Variants in WDR12 observed in about 807,000 individuals in gnomAD.
The protein encoded by WDR12 is ribosome biogenesis protein WDR12.
WDR12 carries 42 observed loss-of-function variants against 64.3 expected under a neutral mutation model. That is an observed-to-expected ratio of 0.65 (90% CI 0.51 to 0.84). WDR12 has a LOEUF of 0.84. Among genes scored for constraint, WDR12 ranks in the 40% least tolerant of loss-of-function variants. The probability of loss-of-function intolerance (pLI) is 0.00; values close to 1 mark genes in which losing one functional copy is unlikely to be tolerated. For missense variants in WDR12, 469 were observed against 494.6 expected, an observed-to-expected ratio of 0.95 and a Z score of 0.49; for synonymous variants, 158 against 173.3, an observed-to-expected ratio of 0.91 and a Z score of 0.70.
rs1559165216 is a variant in WDR12 at position 202,908,325 on chromosome 2, T to C, written c.42-366A>G. ...AAGTGATTAGCCAGGCGTGGTGGCA[T>C]GTGCCCGTAGTCCCAGCTACTTGGG... On this transcript the variant is annotated intron_variant, in intron 1 of 12. Transcript: ENST00000261015. Among the ~76,000 whole-genome samples, 3 of 152,160 alleles carry C rather than the reference T, an allele frequency of 2.0e-5. No homozygotes were observed. In the East Asian group the frequency reaches 5.8e-4, roughly 29 times the overall value.
intron 4 of WDR12, 68 bp from the exon 5 acceptor site, chr2:202,897,483 C>CAATG: frequency 1.2e-6 from 1 of 835,332 alleles, no homozygotes; most frequent in Admixed American, 2.8e-5. Flanking sequence ...GTTTCTTTGG[C>CAATG]AATGACAAAG....
At chr2:202,894,450 G>A in intron 7 of WDR12, 131 bp downstream of exon 7, 1 of 669,820 alleles carries the variant, frequency 1.5e-6, no homozygotes. Context: ...TTGAACTCGT[G>A]GCCTCAAGTG....
chr2:202,876,230 AT>A lies in WDR12; in HGVS notation c.*4629del, dbSNP rs1559156347. Reference sequence around the variant, plus strand: ...ATAGCAAGACGCCATCTCCACAAAAATAAAAAAAATAGCTGGGTGTGGCAGC... The same window carrying A: ...ATAGCAAGACGCCATCTCCACAAAAAAAAAAAAATAGCTGGGTGTGGCAGC... On this transcript the variant is annotated 3_prime_UTR_variant, in exon 13 of 13. Coordinates refer to ENST00000261015, the MANE Select transcript of WDR12 (RefSeq NM_018256.4). 1 of 152,182 alleles carries A rather than the reference AT, an allele frequency of 6.6e-6. No homozygotes were observed. The highest frequency in any genetic ancestry group is 1.9e-4 in the East Asian group (1 of 5,194). 9.4% of individuals were successfully genotyped at this position (152,182 alleles called of 1,614,324 possible).
intron 4 of WDR12, among the ~76,000 whole-genome samples, chr2:202,897,908 A>AAAAAAAAAAAAATATATATATAT (rs1466552102): frequency 2.5e-5 from 1 of 40,054 alleles, no homozygotes; most frequent in Non-Finnish European, 5.0e-5. Flanking sequence ...AAAAAAAAAA[A>AAAAAAAAAAAAATATATATATAT]ATATATATAT....
intron 11 of WDR12, 31 bp downstream of exon 11, chr2:202,883,570 ATTGATATG>A: frequency 6.3e-7 from 1 of 1,588,152 alleles, no homozygotes; most frequent in Non-Finnish European, 8.6e-7. Context: ...ATAACAGGTA[ATTGATATG>A]TTTCTCTTAT....
Position 202,883,533 on chromosome 2 carries a change from A to C in WDR12, c.1121+76T>G, listed in dbSNP as rs1687991256. 2.0e-6 allele frequency: 3 copies of C among 1,465,494 alleles called. No individual in the cohort carries two copies. The Admixed American group carries it at 6.8e-5, about 33-fold the overall frequency. 90.8% of individuals were successfully genotyped at this position (1,465,494 alleles called of 1,614,324 possible). A position where few individuals can be genotyped will look rare whatever the true frequency, so the allele number is the denominator to read the frequency against. On this transcript the variant is annotated intron_variant, in intron 11 of 12. Transcript: ENST00000261015. ...TTTTTTTACTCTTCTGGTTTTAGAT[A>C]AGAATTTCAGTATTCATTTCCTTTC...
chr2:202,883,739 C>G lies in WDR12; in HGVS notation c.991G>C (p.Gly331Arg), dbSNP rs747007169. ...IRLWDPRTKD[G>R]SLVSLSLTSH... The stretch of plus-strand genomic sequence containing the variant: ...GTTAGGGACAGCGACACCAAAGAAC[C>G]ATCTGAACAAAGCAAAAAAGACAAG... The change falls in exon 11 of 13, where the codon GGT becomes CGT. Residue 331 changes from glycine (G) to arginine (R), a missense_variant and splice_region_variant. By Grantham distance (125) the Gly-to-Arg change is moderately radical. Coordinates refer to ENST00000261015, the MANE Select transcript of WDR12 (RefSeq NM_018256.4). 11 of 1,612,444 alleles carry G rather than the reference C, an allele frequency of 6.8e-6. No homozygotes were observed. The highest frequency in any genetic ancestry group is 1.1e-5 in the South Asian group (1 of 90,842).
At chr2:202,910,744 G>A (rs1347081910) in intron 1 of WDR12, among the ~76,000 whole-genome samples, 1 of 152,114 alleles carries the variant, frequency 6.6e-6, no homozygotes, top group Non-Finnish European at 1.5e-5. Flanking sequence ...CAACACAAGG[G>A]GAGAGAAGAT....
chr2:202,889,408 T>C (rs1330925230), intron 8 of WDR12, among the ~76,000 whole-genome samples: 1 of 152,000 alleles, frequency 6.6e-6, no homozygotes, highest in Non-Finnish European at 1.5e-5. Context: ...GCCAACACTT[T>C]TAAAAAATGG....
intron 6 of WDR12, 165 bp from the exon 7 acceptor site, chr2:202,894,791 G>A (rs1032564290): frequency 5.9e-6 from 3 of 507,288 alleles, no homozygotes; most frequent in Non-Finnish European, 1.0e-5. Flanking sequence ...CATAAAATCT[G>A]GGAAATCTTG....
At chr2:202,899,145 C>T (rs1436357328) in intron 4 of WDR12, among the ~76,000 whole-genome samples, 1 of 148,322 alleles carries the variant, frequency 6.7e-6, no homozygotes, top group Non-Finnish European at 1.5e-5. Flanking sequence ...CAGGTTCACG[C>T]CATTCTCCTG....
intron 6 of WDR12, 51 bp from the exon 7 acceptor site, chr2:202,894,677 ATTTG>A: frequency 1.3e-6 from 2 of 1,491,790 alleles, no homozygotes; most frequent in Non-Finnish European, 1.8e-6. Context: ...GATTCATATT[ATTTG>A]CCTACAACAG....
At chr2:202,887,654 T>G (rs1050904971) in intron 8 of WDR12, among the ~76,000 whole-genome samples, 1 of 151,794 alleles carries the variant, frequency 6.6e-6, no homozygotes, top group Non-Finnish European at 1.5e-5. Flanking sequence ...TTTGGGAGGC[T>G]GAGGCGGGTG....
rs905598941 is a variant in WDR12, at chr2:202,877,275, G to T, written c.*3585C>A. 2 of 152,002 alleles carry T rather than the reference G, an allele frequency of 1.3e-5. No homozygotes were observed. The highest frequency in any genetic ancestry group is 1.9e-4 in the East Asian group (1 of 5,200). 9.4% of individuals were successfully genotyped at this position (152,002 alleles called of 1,614,324 possible). On this transcript the variant is annotated 3_prime_UTR_variant, in exon 13 of 13. Transcript: ENST00000261015. ...TGGTAATTCCAAATTCAAAGGAAAA[G>T]AAAATATTGATCATCTTCTCATAGA...
At chr2:202,894,920 C>T (rs1159133526) in intron 6 of WDR12, among the ~76,000 whole-genome samples, 1 of 152,134 alleles carries the variant, frequency 6.6e-6, no homozygotes, top group African/African-American at 2.4e-5. Flanking sequence ...GCCTCTATTC[C>T]ACTGGTTCCT....
At chr2:202,898,426 C>T (rs1469858587) in intron 4 of WDR12, among the ~76,000 whole-genome samples, 2 of 152,234 alleles carry the variant, frequency 1.3e-5, no homozygotes, top group African/African-American at 2.4e-5. Context: ...GCTGTGATTA[C>T]AGGCGTGAGC....
intron 8 of WDR12, 145 bp from the exon 9 acceptor site, chr2:202,884,680 G>A: frequency 1.1e-6 from 1 of 888,462 alleles, no homozygotes; most frequent in Non-Finnish European, 1.7e-6. Flanking sequence ...CTTTACAATG[G>A]AATGGATATT....
At chr2:202,891,682 T>C (rs1688159345) in intron 8 of WDR12, among the ~76,000 whole-genome samples, 1 of 152,242 alleles carries the variant, frequency 6.6e-6, no homozygotes, top group Non-Finnish European at 1.5e-5. Context: ...ACTATAAGAA[T>C]TAATGTGCAA....
intron 2 of WDR12, among the ~76,000 whole-genome samples, chr2:202,903,446 TGG>T (rs1688387158): frequency 1.0e-5 from 1 of 97,200 alleles, no homozygotes. Context: ...AGCAATCAGA[TGG>T]AAGGAAGGAA....
Sources: gnomAD v4.1 joint callset for allele counts (sites outside exome capture counted in the v4.1 genomes callset) on GRCh38, gnomAD v4.1.1 for gene constraint, MANE v1.5 for transcripts, NCBI Gene and HGNC (gene_info 2026-07-23, HGNC 2026-07-21) for gene names.